The following RUVBL1 variants were observed in gnomAD, a reference collection of about 807,000 sequenced individuals.
RUVBL1 encodes the protein ruvB-like 1.
In RUVBL1, 4 loss-of-function variants were observed where a neutral mutation model predicts 52.4. That is an observed-to-expected ratio of 0.08 (90% confidence interval 0.04 to 0.17). The LOEUF (loss-of-function observed/expected upper bound fraction) is 0.17. Ranked by LOEUF, RUVBL1 falls within the 10% of genes least tolerant of loss-of-function variation. RUVBL1 has a pLI of 1.00. For missense variants in RUVBL1, 298 were observed against 572.8 expected (o/e 0.52, Z 4.90); for synonymous variants, 217 against 214.4 (o/e 1.01, Z -0.10).
At chr3:128,078,375 G>A (rs1942387251), downstream of RUVBL1, among the ~76,000 whole-genome samples, 1 of 152,220 alleles carries the variant, frequency 6.6e-6, no homozygotes, top group Non-Finnish European at 1.5e-5. Context: ...GAGAAAATGA[G>A]GCAGGGCACA....
chr3:128,130,622 T>TG (rs1943862873), intron 1 of RUVBL1, among the ~76,000 whole-genome samples: 1 of 31,986 alleles, frequency 3.1e-5, no homozygotes, highest in Non-Finnish European at 6.8e-5. Context: ...AAATTTTATT[T>TG]ATTTATGTAT....
intron 3 of RUVBL1, among the ~76,000 whole-genome samples, chr3:128,106,343 C>G (rs1943234765): frequency 6.6e-6 from 1 of 152,176 alleles, no homozygotes; most frequent in Admixed American, 6.5e-5. Context: ...GTTAAATTAA[C>G]TTTTAGAACG....
chr3:128,079,232 G>A (rs1411572500), downstream of RUVBL1, among the ~76,000 whole-genome samples: 2 of 152,206 alleles, frequency 1.3e-5, no homozygotes, highest in African/African-American at 4.8e-5. Flanking sequence ...ACCGGACCCC[G>A]CTTCCTTCAC....
upstream of RUVBL1, among the ~76,000 whole-genome samples, chr3:128,127,734 C>T (rs1326743847): frequency 2.0e-5 from 3 of 152,166 alleles, no homozygotes; most frequent in African/African-American, 2.4e-5. Context: ...CAGTGGCTCA[C>T]GCCTGTAATC....
chr3:128,097,351 G>A lies in RUVBL1; in HGVS notation c.965C>T (p.Ser322Phe). ...TGCAAAGATGACGATGGGAGCGATA[G>A]AAGACTCCAGGGCGCGGTGCAGGTA... ...FTYLHRALES[S>F]IAPIVIFASN... The change falls in exon 8 of 11, where the codon TCT (serine) becomes TTT (phenylalanine). Residue 322 changes from serine (S) to phenylalanine (F), a missense_variant. Ser to Phe is a radical substitution (Grantham distance 155). This residue lies in a region of RUVBL1 where 161 missense variants were observed against 298.3 expected (regional missense o/e 0.54). Transcript: ENST00000322623. The A allele has an allele frequency of 6.2e-7, 1 of 1,614,214 alleles. No homozygotes were observed. Among genetic ancestry groups the A allele is most frequent in the Non-Finnish European group, 8.5e-7 (1 of 1,180,026 alleles).
intron 1 of RUVBL1, among the ~76,000 whole-genome samples, chr3:128,134,269 C>G (rs1277358045): frequency 2.0e-5 from 3 of 151,454 alleles, no homozygotes; most frequent in Non-Finnish European, 4.4e-5. Flanking sequence ...TTGAGACCAG[C>G]CTGGCCAACA....
At chr3:128,153,825 TGAGCGCGGGCCG>T (rs1944308276) in exon 1 of RUVBL1, 1 of 1,504,156 alleles carries the variant, frequency 6.6e-7, no homozygotes, top group South Asian at 1.2e-5. Flanking sequence ...TCATCGGCGG[TGAGCGCGGGCCG>T]GGGCGGGAGC....
rs761723385 is a variant in RUVBL1 at position 128,066,506 on chromosome 3, T to C, written c.940-1286A>G. 6.3e-4 allele frequency: 107 copies of C among 171,138 alleles called. 2 individuals are homozygous for C. The highest frequency in any genetic ancestry group is 1.1e-3 in the Non-Finnish European group (92 of 80,104). The allele number at this position is 171,138 out of a possible 1,614,324, so 10.6% of individuals were successfully genotyped here. On this transcript the variant is annotated intron_variant, in intron 9 of 9. Transcript: ENST00000464873. The stretch of plus-strand genomic sequence containing the variant: ...GGCATGATCTCGGCTCACTGCAGCC[T>C]AGACCTCCCAGGCTCAAGTGATTGT...
chr3:128,068,519 G>C (rs372703755), intron 9 of RUVBL1: 4 of 165,518 alleles, frequency 2.4e-5, no homozygotes, highest in Admixed American at 2.3e-4. Flanking sequence ...GGCTGGGCAC[G>C]GAAGGGGTTG....
chr3:128,098,703 T>C (rs996128791), intron 7 of RUVBL1, among the ~76,000 whole-genome samples, 179 bp downstream of exon 7: 2 of 152,214 alleles, frequency 1.3e-5, no homozygotes, highest in Non-Finnish European at 2.9e-5. Context: ...CAGTGTGCTA[T>C]ATGGCTGCCT....
intron 1 of RUVBL1, among the ~76,000 whole-genome samples, chr3:128,122,118 C>T (rs1943664792): frequency 6.6e-6 from 1 of 152,196 alleles, no homozygotes; most frequent in Admixed American, 6.5e-5. Flanking sequence ...AATACATAGA[C>T]TTGAGTTAAA....
At chr3:128,080,267 A>C (rs1424393508), downstream of RUVBL1, among the ~76,000 whole-genome samples, 1 of 152,210 alleles carries the variant, frequency 6.6e-6, no homozygotes, top group East Asian at 1.9e-4. Flanking sequence ...TATACAATGA[A>C]CTTCCGTAAG....
intron 9 of RUVBL1, among the ~76,000 whole-genome samples, chr3:128,075,598 GC>G (rs1942292115): frequency 6.6e-6 from 1 of 151,980 alleles, no homozygotes; most frequent in Non-Finnish European, 1.5e-5. Flanking sequence ...GGGAAGTCGC[GC>G]ACTTTCGTCG....
chr3:128,073,974 C>T (rs1942240473), intron 9 of RUVBL1, among the ~76,000 whole-genome samples: 1 of 152,148 alleles, frequency 6.6e-6, no homozygotes, highest in African/African-American at 2.4e-5. Flanking sequence ...AAGCAAGAAA[C>T]AATAGCGTAT....
intron 1 of RUVBL1, among the ~76,000 whole-genome samples, chr3:128,152,893 C>CCCCCCCCCCCCCCGCCCCCCCTCCT (rs1944252016): frequency 3.4e-5 from 1 of 29,770 alleles, no homozygotes; most frequent in Non-Finnish European, 6.7e-5. Context: ...CCCCCTCCCC[C>CCCCCCCCCCCCCCGCCCCCCCTCCT]ACGTCCCCCC....
intron 1 of RUVBL1, among the ~76,000 whole-genome samples, chr3:128,144,936 G>A (rs1944080936): frequency 6.6e-6 from 1 of 152,168 alleles, no homozygotes; most frequent in South Asian, 2.1e-4. Flanking sequence ...CTTCATCAGG[G>A]CCAAGGAGAC....
At chr3:128,143,356 A>G (rs1003553858) in intron 1 of RUVBL1, among the ~76,000 whole-genome samples, 1 of 151,888 alleles carries the variant, frequency 6.6e-6, no homozygotes, top group Non-Finnish European at 1.5e-5. Flanking sequence ...TATTTTTAGT[A>G]GAGACGAGGT....
chr3:128,094,762 C>G (rs571052101), intron 8 of RUVBL1, among the ~76,000 whole-genome samples: 59 of 152,298 alleles, frequency 3.9e-4, no homozygotes, highest in Non-Finnish European at 7.4e-4. Context: ...CCTCTCTTTC[C>G]TTCGGAGCTC....
intron 3 of RUVBL1, among the ~76,000 whole-genome samples, chr3:128,111,499 G>A (rs1354643516): frequency 6.6e-6 from 1 of 151,968 alleles, no homozygotes; most frequent in Non-Finnish European, 1.5e-5. Flanking sequence ...TCCTGTCAGC[G>A]CTACCATGCA....
Sources: gnomAD v4.1 joint callset for allele counts (sites outside exome capture counted in the v4.1 genomes callset) on GRCh38, gnomAD v4.1.1 for gene constraint, gnomAD v4.1.1 regional missense constraint, MANE v1.5 for transcripts, NCBI Gene and HGNC (gene_info 2026-07-23, HGNC 2026-07-21) for gene names.